GABRB1: variants seen among roughly 807,000 people sequenced by gnomAD.
The protein encoded by GABRB1 is gamma-aminobutyric acid receptor subunit beta-1.
A neutral mutation model predicts 51.6 loss-of-function variants in GABRB1; 17 were observed. That is an observed-to-expected ratio of 0.33 (90% CI 0.23 to 0.49). The LOEUF (loss-of-function observed/expected upper bound fraction) is 0.49. Among genes scored for constraint, GABRB1 ranks in the 20% least tolerant of loss-of-function variants. The pLI is 0.99. For missense variants in GABRB1, 410 were observed against 600.6 expected (o/e 0.68, Z 3.32); for synonymous variants, 247 against 218.9 (o/e 1.13, Z -1.14).
At chr4:47,106,964 T>C (rs968716048) in intron 3 of GABRB1, among the ~76,000 whole-genome samples, 2 of 152,058 alleles carry the variant, frequency 1.3e-5, no homozygotes, top group African/African-American at 4.8e-5. Context: ...ACCATGGTGA[T>C]TGGGTGGCTT....
At chr4:47,379,057 A>G (rs1727499118) in intron 5 of GABRB1, among the ~76,000 whole-genome samples, 1 of 152,194 alleles carries the variant, frequency 6.6e-6, no homozygotes, top group South Asian at 2.1e-4. Flanking sequence ...GCAATGTGAG[A>G]TGTGGATAGG....
chr4:47,241,371 G>A (rs931066546), intron 4 of GABRB1, among the ~76,000 whole-genome samples: 11 of 151,900 alleles, frequency 7.2e-5, no homozygotes, highest in African/African-American at 2.4e-4. Context: ...AGTCATTATT[G>A]TGTGTTAGCA....
intron 3 of GABRB1, among the ~76,000 whole-genome samples, chr4:47,067,829 G>T (rs1273384743): frequency 6.6e-6 from 1 of 151,972 alleles, no homozygotes; most frequent in Admixed American, 6.6e-5. Context: ...CCATCACCTA[G>T]GTACTAAGCC....
chr4:47,039,946 T>C (rs925223186), intron 3 of GABRB1, among the ~76,000 whole-genome samples: 2 of 152,220 alleles, frequency 1.3e-5, no homozygotes, highest in Admixed American at 6.5e-5. Context: ...TGTTTGTATA[T>C]GCACTGACAA....
At chr4:47,050,032 G>T (rs1365272219) in intron 3 of GABRB1, among the ~76,000 whole-genome samples, 1 of 152,156 alleles carries the variant, frequency 6.6e-6, no homozygotes. Flanking sequence ...GTTCTCTTAG[G>T]TGTAGTTTGG....
chr4:47,138,461 G>T (rs970921753), intron 3 of GABRB1, among the ~76,000 whole-genome samples: 2 of 151,978 alleles, frequency 1.3e-5, no homozygotes, highest in South Asian at 4.1e-4. Context: ...CCCTCAGTAC[G>T]AAGGCTGGGC....
chr4:47,370,731 C>A (rs1318520697), intron 5 of GABRB1, among the ~76,000 whole-genome samples: 2 of 152,112 alleles, frequency 1.3e-5, no homozygotes, highest in African/African-American at 4.8e-5. Flanking sequence ...CAACCAGGTG[C>A]TTGTCTTTTC....
chr4:47,237,188 G>C (rs758665903), intron 4 of GABRB1, among the ~76,000 whole-genome samples: 1 of 151,942 alleles, frequency 6.6e-6, no homozygotes, highest in South Asian at 2.1e-4. Flanking sequence ...TATTTGCTAT[G>C]AGTTTAACTT....
chr4:47,170,090 A>C (rs904497696), intron 4 of GABRB1, among the ~76,000 whole-genome samples: 1 of 152,140 alleles, frequency 6.6e-6, no homozygotes, highest in Non-Finnish European at 1.5e-5. Context: ...TCTGCTTCAG[A>C]TTTTGGAAAT....
chr4:47,064,452 T>G (rs565487237), intron 3 of GABRB1, among the ~76,000 whole-genome samples: 77 of 151,890 alleles, frequency 5.1e-4, no homozygotes, highest in African/African-American at 1.8e-3. Context: ...CTGGCCAACA[T>G]GGTGAAACTC....
chr4:47,320,075 G>C, intron 4 of GABRB1, 52 bp from the exon 5 acceptor site: 1 of 1,235,200 alleles, frequency 8.1e-7, no homozygotes, highest in Non-Finnish European at 1.2e-6. Flanking sequence ...GCCTGGAAAT[G>C]AAATGTCATC....
intron 4 of GABRB1, among the ~76,000 whole-genome samples, chr4:47,209,673 C>A (rs1720276467): frequency 6.6e-6 from 1 of 151,760 alleles, no homozygotes; most frequent in Non-Finnish European, 1.5e-5. Flanking sequence ...CCTGTTCTAT[C>A]ATAGATGTAC....
chr4:47,024,414 G>A (rs918756434), intron 1 of GABRB1, among the ~76,000 whole-genome samples: 8 of 151,814 alleles, frequency 5.3e-5, no homozygotes, highest in Non-Finnish European at 1.0e-4. Flanking sequence ...TCTAATGACA[G>A]GAAGGGAAAG....
At chr4:47,126,201 C>G (rs1716136664) in intron 3 of GABRB1, among the ~76,000 whole-genome samples, 1 of 151,994 alleles carries the variant, frequency 6.6e-6, no homozygotes, top group Non-Finnish European at 1.5e-5. Flanking sequence ...AAGACAAATA[C>G]TGCATAATCT....
intron 3 of GABRB1, among the ~76,000 whole-genome samples, chr4:47,072,561 T>C (rs1368147993): frequency 6.6e-6 from 1 of 152,196 alleles, no homozygotes; most frequent in African/African-American, 2.4e-5. Context: ...AATATTTGGC[T>C]AACTACTACT....
At chr4:47,190,087 T>C (rs1227912294) in intron 4 of GABRB1, among the ~76,000 whole-genome samples, 2 of 152,090 alleles carry the variant, frequency 1.3e-5, no homozygotes, top group African/African-American at 4.8e-5. Flanking sequence ...AATAATTTAA[T>C]TAGAAGGAAC....
upstream of GABRB1, among the ~76,000 whole-genome samples, chr4:47,029,866 T>A (rs1489409665): frequency 6.6e-6 from 1 of 152,140 alleles, no homozygotes. Flanking sequence ...TTTTGCTTTT[T>A]ATCCCTACAT....
intron 4 of GABRB1, among the ~76,000 whole-genome samples, chr4:47,209,752 A>G (rs548503376): frequency 1.3e-5 from 2 of 152,240 alleles, no homozygotes; most frequent in South Asian, 4.2e-4. Context: ...ATAGAAAGAA[A>G]CCAGTAAATA....
chr4:47,052,541 G>A (rs866257962), intron 3 of GABRB1, among the ~76,000 whole-genome samples: 3 of 152,184 alleles, frequency 2.0e-5, no homozygotes, highest in Non-Finnish European at 2.9e-5. Flanking sequence ...TCCGAAGTAC[G>A]GAGCTAGTAT....
Sources: allele counts gnomAD v4.1 joint callset (sites outside exome capture counted in the v4.1 genomes callset), GRCh38; gene constraint gnomAD v4.1.1; transcripts MANE v1.5; gene names NCBI Gene and HGNC (gene_info 2026-07-23, HGNC 2026-07-21).